The following SCARB1 variants were observed in gnomAD, a reference collection of about 807,000 sequenced individuals.
SCARB1 encodes CD36 and LIMPII analogous 1.
Under a neutral mutation model 57.2 loss-of-function variants are expected in SCARB1, and 30 were observed. That is an observed-to-expected ratio of 0.52 (90% confidence interval 0.39 to 0.71). The LOEUF (loss-of-function observed/expected upper bound fraction) is 0.71. Among genes scored for constraint, SCARB1 ranks in the 30% least tolerant of loss-of-function variants. The pLI is 0.00. For missense variants in SCARB1, 543 were observed against 671.2 expected (o/e 0.81, Z 2.11); for synonymous variants, 249 against 268.3 (o/e 0.93, Z 0.70).
intron 12 of SCARB1, 49 bp downstream of exon 12, chr12:124,782,634 C>G: frequency 6.3e-7 from 1 of 1,599,114 alleles, no homozygotes; most frequent in Non-Finnish European, 8.5e-7. Flanking sequence ...CAGCATTCTA[C>G]TTGATATGGG....
intron 1 of SCARB1, among the ~76,000 whole-genome samples, chr12:124,849,363 C>G (rs948311762): frequency 6.6e-6 from 1 of 152,236 alleles, no homozygotes; most frequent in African/African-American, 2.4e-5. Flanking sequence ...CCCCTGCAGC[C>G]TCTCACCTTG....
intron 9 of SCARB1, among the ~76,000 whole-genome samples, chr12:124,791,295 C>T (rs1486581382): frequency 6.6e-6 from 1 of 152,182 alleles, no homozygotes; most frequent in Non-Finnish European, 1.5e-5. Flanking sequence ...TATGCTTCGT[C>T]CTGAGGCTTC....
intron 1 of SCARB1, among the ~76,000 whole-genome samples, chr12:124,834,592 C>T (rs890234233): frequency 1.3e-5 from 2 of 152,150 alleles, no homozygotes; most frequent in Admixed American, 6.6e-5. Flanking sequence ...TACTAGGTAC[C>T]TGTTCGGGCA....
intron 1 of SCARB1, among the ~76,000 whole-genome samples, chr12:124,820,279 C>G (rs567741816): frequency 6.6e-6 from 1 of 152,238 alleles, no homozygotes; most frequent in Non-Finnish European, 1.5e-5. Context: ...TTTGAGGCAG[C>G]CACCTCCACT....
At chr12:124,843,006 G>A (rs1951967403) in intron 1 of SCARB1, among the ~76,000 whole-genome samples, 1 of 152,200 alleles carries the variant, frequency 6.6e-6, no homozygotes, top group Non-Finnish European at 1.5e-5. Flanking sequence ...GTTTATTGCA[G>A]GAAGGAAAAA....
In SCARB1 at chr12:124,778,218, G is replaced by T; in HGVS notation, c.*369C>A. The T allele has an allele frequency of 2.6e-6, 1 of 377,904 alleles. No individual in the cohort carries two copies. 23.4% of individuals were successfully genotyped at this position (377,904 alleles called of 1,614,324 possible). On this transcript the variant is annotated 3_prime_UTR_variant, in exon 13 of 13. Transcript: ENST00000261693. ...TCACCTTGGAGGGGAGGAAGCCTGGGCCCAACGGCTGAACGGGACAGGCCA... is the reference window on the plus strand; with the variant it reads ...TCACCTTGGAGGGGAGGAAGCCTGGTCCCAACGGCTGAACGGGACAGGCCA...
rs762054376 is a variant in SCARB1 at position 124,807,953 on chromosome 12, G to T, written c.843-26C>A. ...CTGCAGGGGACAGACAGGATGAGAGGGGACACCCAGACCCGGCGGCCAGAG... is the reference window on the plus strand; with the variant it reads ...CTGCAGGGGACAGACAGGATGAGAGTGGACACCCAGACCCGGCGGCCAGAG... On this transcript the variant is annotated intron_variant, in intron 6 of 12. Transcript: ENST00000261693. The surrounding 1 kb of genome is among the most constrained non-coding windows in gnomAD (Gnocchi z 5.3). 6.2e-7 allele frequency: 1 copy of T among 1,612,638 alleles called. No individual in the cohort carries two copies. Among genetic ancestry groups the T allele is most frequent in the African/African-American group, 1.3e-5 (1 of 74,866 alleles).
intron 1 of SCARB1, among the ~76,000 whole-genome samples, chr12:124,850,358 C>A (rs1037698204): frequency 6.6e-6 from 1 of 151,076 alleles, no homozygotes; most frequent in African/African-American, 2.4e-5. Flanking sequence ...GGGCGACAGA[C>A]TGAGACCATG....
At chr12:124,786,136 C>G (rs774865423) in intron 11 of SCARB1, 9 of 1,540,030 alleles carry the variant, frequency 5.8e-6, no homozygotes, top group Non-Finnish European at 7.0e-6. Flanking sequence ...GGGTCCCAGG[C>G]CTTCCAGAAC....
chr12:124,795,614 G>A (rs911051971), intron 8 of SCARB1, among the ~76,000 whole-genome samples: 5 of 152,186 alleles, frequency 3.3e-5, no homozygotes, highest in Admixed American at 6.5e-5. Context: ...CTAAGACAGC[G>A]TTTCCCAAAG....
intron 1 of SCARB1, among the ~76,000 whole-genome samples, chr12:124,828,510 A>T (rs144769846): frequency 2.0e-5 from 3 of 152,172 alleles, no homozygotes; most frequent in African/African-American, 4.8e-5. Flanking sequence ...ACACCAGGGG[A>T]GCAGAATCGT....
intron 2 of SCARB1, among the ~76,000 whole-genome samples, chr12:124,816,126 T>A (rs897715): frequency 6.6e-6 from 1 of 152,154 alleles, no homozygotes. Flanking sequence ...CCTTTGCAGA[T>A]GTGCTCCCGA....
intron 12 of SCARB1, among the ~76,000 whole-genome samples, chr12:124,779,343 G>A (rs535281080): frequency 6.6e-6 from 1 of 152,282 alleles, no homozygotes; most frequent in Non-Finnish European, 1.5e-5. Flanking sequence ...AGCAATACAC[G>A]CAGCAGGATG....
chr12:124,821,599 G>GA (rs1950960222), intron 1 of SCARB1: 1 of 939,064 alleles, frequency 1.1e-6, no homozygotes, highest in African/African-American at 1.8e-5. Context: ...CCAACTGGGT[G>GA]ATCAGGGATG....
intron 1 of SCARB1, among the ~76,000 whole-genome samples, chr12:124,830,979 AT>A (rs34543026): frequency 8.6e-4 from 118 of 137,884 alleles, no homozygotes; most frequent in South Asian, 1.1e-3. Context: ...TGCCCAGCTG[AT>A]TTTTTTTTTT....
intron 1 of SCARB1, among the ~76,000 whole-genome samples, chr12:124,854,209 T>C (rs1594399330): frequency 6.6e-6 from 1 of 150,812 alleles, no homozygotes; most frequent in Admixed American, 6.6e-5. Flanking sequence ...CAGGGGAGGG[T>C]CTCCGTGAGC....
chr12:124,799,555 C>T (rs946939676), intron 8 of SCARB1, among the ~76,000 whole-genome samples: 2 of 151,976 alleles, frequency 1.3e-5, no homozygotes, highest in African/African-American at 4.8e-5. Context: ...GTTAAAGGCC[C>T]ATGGGATAGA....
chr12:124,842,354 G>A lies in SCARB1; in HGVS notation c.126+21241C>T, dbSNP rs569085413. The stretch of plus-strand genomic sequence containing the variant: ...AGAAAGCCCCAGGAAAGCTGGAGAC[G>A]CTGCCGGAAATGCAAAGCTGCTCAT... On this transcript the variant is annotated intron_variant, in intron 1 of 12. Transcript: ENST00000261693. Among the ~76,000 whole-genome samples the A allele has an allele frequency of 4.8e-4, 73 of 152,308 alleles. 1 individual carries two copies. The East Asian group carries it at 0.012, about 25-fold the overall frequency.
chr12:124,839,276 C>T (rs1951814230), intron 1 of SCARB1: 2 of 455,504 alleles, frequency 4.4e-6, no homozygotes. Context: ...GATCTGGCTA[C>T]TCTAGGGAGC....
Sources: allele counts gnomAD v4.1 joint callset (sites outside exome capture counted in the v4.1 genomes callset), GRCh38; gene constraint gnomAD v4.1.1; non-coding constraint Gnocchi (gnomAD v3.1); transcripts MANE v1.5; gene names NCBI Gene and HGNC (gene_info 2026-07-23, HGNC 2026-07-21).